Variants in DTD1 observed in about 807,000 individuals in gnomAD.
The protein encoded by DTD1 is D-tyrosyl-tRNA deacylase 1 homolog.
DTD1 carries 13 observed loss-of-function variants against 25.6 expected under a neutral mutation model. The observed-to-expected ratio is 0.51, with a 90% CI of 0.33 to 0.81. The LOEUF is 0.81. DTD1 is among the 30% of genes least tolerant of loss of function. The pLI is 0.02. For missense variants in DTD1, 193 were observed against 266.4 expected, an observed-to-expected ratio of 0.72 and a Z score of 1.92; for synonymous variants, 110 against 103.6, an observed-to-expected ratio of 1.06 and a Z score of -0.37.
chr20:18,614,941 TC>T (rs145680461), intron 3 of DTD1, among the ~76,000 whole-genome samples: 12,610 of 151,988 alleles, frequency 0.083, 612 homozygotes, highest in South Asian at 0.14. Context: ...CTCCCCCTAC[TC>T]CTCCCAACTT....
chr20:18,741,897 A>ATTTTTTT (rs57912866), intron 4 of DTD1, among the ~76,000 whole-genome samples: 1 of 88,724 alleles, frequency 1.1e-5, no homozygotes, highest in African/African-American at 4.1e-5. Context: ...TAACCTTTGT[A>ATTTTTTT]TTTTTTTTTT....
At chr20:18,755,304 T>A (rs964473034) in intron 5 of DTD1, among the ~76,000 whole-genome samples, 9 of 152,234 alleles carry the variant, frequency 5.9e-5, no homozygotes, top group Non-Finnish European at 1.3e-4. Flanking sequence ...AAGTTTTAGG[T>A]CCATGTGCAC....
intron 5 of DTD1, among the ~76,000 whole-genome samples, chr20:18,753,299 C>T (rs1469026544): frequency 2.6e-5 from 4 of 152,144 alleles, no homozygotes; most frequent in African/African-American, 9.7e-5. Context: ...TCATCTGAAT[C>T]ACTTTAAGTA....
intron 3 of DTD1, among the ~76,000 whole-genome samples, chr20:18,597,312 G>GTA (rs1177662164): frequency 6.6e-6 from 1 of 151,996 alleles, no homozygotes; most frequent in African/African-American, 2.4e-5. Context: ...AAGGATCTTA[G>GTA]TATATTTGAA....
chr20:18,746,528 G>A (rs56341221), intron 5 of DTD1, among the ~76,000 whole-genome samples: 10 of 87,266 alleles, frequency 1.1e-4, no homozygotes, highest in Non-Finnish European at 1.7e-4. Context: ...TGAGACCCCC[G>A]TCTCTTAAAA....
At chr20:18,598,151 C>T (rs2060619231) in intron 3 of DTD1, among the ~76,000 whole-genome samples, 1 of 152,074 alleles carries the variant, frequency 6.6e-6, no homozygotes, top group Non-Finnish European at 1.5e-5. Flanking sequence ...TCCCCTAGCC[C>T]CCCACCCCTC....
At chr20:18,759,527 GA>G (rs1392487644) in intron 5 of DTD1, among the ~76,000 whole-genome samples, 1 of 152,184 alleles carries the variant, frequency 6.6e-6, no homozygotes, top group Non-Finnish European at 1.5e-5. Context: ...ATTCTGAGTT[GA>G]AAATTCTTTT....
chr20:18,749,516 C>T lies in DTD1; in HGVS notation c.*19+5245C>T, dbSNP rs1027683981. Among the ~76,000 whole-genome samples the T allele has an allele frequency of 6.6e-6, 1 of 152,182 alleles. No individual in the cohort carries two copies. The highest frequency in any genetic ancestry group is 2.4e-5 in the African/African-American group (1 of 41,436). ...GTCATGGCCTCAGCTCTTCATAGCA[C>T]TGACAGTCCCTCCAGGTCTCAGCTG... On this transcript the variant is annotated intron_variant, in intron 5 of 5. Transcript: ENST00000377452. The surrounding 1 kb of genome is among the most constrained non-coding windows in gnomAD (Gnocchi z 4.2).
intron 4 of DTD1, among the ~76,000 whole-genome samples, chr20:18,740,745 A>G (rs2061274620): frequency 6.6e-6 from 1 of 152,262 alleles, no homozygotes; most frequent in African/African-American, 2.4e-5. Flanking sequence ...AGTAATGGGT[A>G]TATCCACATT....
intron 4 of DTD1, among the ~76,000 whole-genome samples, chr20:18,628,895 C>T (rs2060770604): frequency 6.6e-6 from 1 of 152,078 alleles, no homozygotes; most frequent in Admixed American, 6.6e-5. Context: ...TCCCAGTCTC[C>T]CTCCCTTGCT....
intron 3 of DTD1, among the ~76,000 whole-genome samples, chr20:18,607,265 G>T (rs1161287882): frequency 6.6e-6 from 1 of 152,064 alleles, no homozygotes; most frequent in African/African-American, 2.4e-5. Flanking sequence ...GGGTTCAAAC[G>T]ATTCTCATAC....
At chr20:18,654,605 T>C (rs929908648) in intron 4 of DTD1, among the ~76,000 whole-genome samples, 4 of 152,182 alleles carry the variant, frequency 2.6e-5, no homozygotes, top group African/African-American at 9.7e-5. Context: ...GCTTGGATGG[T>C]GTTAAGGAGA....
intron 1 of DTD1, chr20:18,588,922 G>C (rs572807250): frequency 2.1e-6 from 2 of 948,812 alleles, no homozygotes; most frequent in Non-Finnish European, 2.5e-6. Context: ...TAAATGACAA[G>C]CTTTATATTG....
At chr20:18,735,526 A>G (rs2061251899) in intron 4 of DTD1, among the ~76,000 whole-genome samples, 1 of 152,242 alleles carries the variant, frequency 6.6e-6, no homozygotes, top group African/African-American at 2.4e-5. Flanking sequence ...GCAATCTTCA[A>G]ATAATAATAT....
chr20:18,597,776 T>C (rs1208765153), intron 3 of DTD1, among the ~76,000 whole-genome samples: 2 of 152,234 alleles, frequency 1.3e-5, no homozygotes, highest in Non-Finnish European at 2.9e-5. Context: ...ATATATTTTA[T>C]CAATTTCTGT....
At chr20:18,743,522 T>C (rs1358308202) in intron 4 of DTD1, among the ~76,000 whole-genome samples, 2 of 151,874 alleles carry the variant, frequency 1.3e-5, no homozygotes, top group Non-Finnish European at 2.9e-5. Flanking sequence ...GGTGAAACTC[T>C]GTTTCTACAG....
chr20:18,730,612 T>C (rs577920714), intron 4 of DTD1, among the ~76,000 whole-genome samples: 12 of 152,250 alleles, frequency 7.9e-5, no homozygotes, highest in Non-Finnish European at 1.2e-4. Context: ...AATTTTTAAA[T>C]TGATTGTGAA....
In DTD1 at chr20:18,631,597, G is replaced by A. The variant is rs2060787826; in HGVS notation, c.477+3364G>A. 1.4e-5 allele frequency: 14 copies of A among 985,304 alleles called. No homozygotes were observed. The South Asian group carries it at 6.1e-4, about 43-fold the overall frequency. 61.0% of individuals were successfully genotyped at this position (985,304 alleles called of 1,614,324 possible). A position where few individuals can be genotyped will look rare whatever the true frequency, so the allele number is the denominator to read the frequency against. ...GTAAAGGTTCTCACCGAGGGCCCCAGTGACCTCACATTGCTTTATTTCATG... is the reference window on the plus strand; with the variant it reads ...GTAAAGGTTCTCACCGAGGGCCCCAATGACCTCACATTGCTTTATTTCATG... On this transcript the variant is annotated intron_variant, in intron 4 of 5. Coordinates refer to ENST00000377452, the MANE Select transcript of DTD1 (RefSeq NM_080820.6).
At chr20:18,731,955 C>T (rs1363814033) in intron 4 of DTD1, among the ~76,000 whole-genome samples, 1 of 152,216 alleles carries the variant, frequency 6.6e-6, no homozygotes, top group African/African-American at 2.4e-5. Flanking sequence ...AGCCCACTCT[C>T]TGGAAGCCTT....
Sources: gnomAD v4.1 joint callset for allele counts (sites outside exome capture counted in the v4.1 genomes callset) on GRCh38, gnomAD v4.1.1 for gene constraint, Gnocchi (gnomAD v3.1) non-coding constraint, MANE v1.5 for transcripts, NCBI Gene and HGNC (gene_info 2026-07-23, HGNC 2026-07-21) for gene names.